MAPK8IP3: variants seen among roughly 807,000 people sequenced by gnomAD.
The protein encoded by MAPK8IP3 is C-Jun-amino-terminal kinase-interacting protein 3.
A neutral mutation model predicts 157.8 loss-of-function variants in MAPK8IP3; 49 were observed. The observed-to-expected ratio is 0.31, with a 90% confidence interval of 0.25 to 0.39. MAPK8IP3 has a LOEUF of 0.39. Among genes scored for constraint, MAPK8IP3 ranks in the 10% least tolerant of loss-of-function variants. MAPK8IP3 has a pLI of 1.00. For missense variants in MAPK8IP3, 1,478 were observed against 1,889.4 expected (o/e 0.78, Z 4.04); for synonymous variants, 897 against 777.7 (o/e 1.15, Z -2.55).
At chr16:1,737,047 A>T (rs2039980246) in intron 4 of MAPK8IP3, among the ~76,000 whole-genome samples, 1 of 62,470 alleles carries the variant, frequency 1.6e-5, no homozygotes, top group African/African-American at 6.4e-5. Context: ...CATCCGTGTG[A>T]CCGTCCGTGT....
intron 10 of MAPK8IP3, among the ~76,000 whole-genome samples, chr16:1,759,709 G>A (rs1033365912): frequency 1.3e-5 from 2 of 152,242 alleles, no homozygotes; most frequent in African/African-American, 4.8e-5. Context: ...TCAGGGGCCT[G>A]CGTCCGGCCA....
chr16:1,716,638 G>A (rs992597311), intron 1 of MAPK8IP3, among the ~76,000 whole-genome samples: 10 of 152,052 alleles, frequency 6.6e-5, no homozygotes, highest in African/African-American at 2.4e-4. Flanking sequence ...AAAATGCTGG[G>A]CATGGTGGCT....
rs1198366203 is a variant in MAPK8IP3, at chr16:1,724,812, C to T, written c.439+135C>T. 2 of 1,199,192 alleles carry T rather than the reference C, an allele frequency of 1.7e-6. No homozygotes were observed. Among genetic ancestry groups the T allele is most frequent in the Non-Finnish European group, 2.3e-6 (2 of 873,274 alleles). 74.3% of individuals were successfully genotyped at this position (1,199,192 alleles called of 1,614,324 possible). On this transcript the variant is annotated intron_variant, in intron 2 of 31. Transcript: ENST00000610761. The surrounding 1 kb of genome is among the most constrained non-coding windows in gnomAD (Gnocchi z 4.1). ...CAGTGGGAGCCTCAGCCATGTATTC[C>T]AGCTCTTTGTACTGCTGCCTGTTTC...
rs573905400 is a variant in MAPK8IP3, at chr16:1,760,311, C to T, written c.1305-69C>T. ...TCTCCAGGGCGGAAGTGCAGGCGCC[C>T]CTGGCAAGGCCCCTTCACGTACCTG... On this transcript the variant is annotated intron_variant, in intron 11 of 31. Coordinates refer to ENST00000610761, the MANE Select transcript of MAPK8IP3 (RefSeq NM_001318852.2). 18 of 1,541,826 alleles carry T rather than the reference C, an allele frequency of 1.2e-5. No homozygotes were observed. In the African/African-American group the frequency reaches 1.9e-4, roughly 16 times the overall value.
chr16:1,725,595 C>G (rs1031411597), intron 2 of MAPK8IP3, among the ~76,000 whole-genome samples: 2 of 151,298 alleles, frequency 1.3e-5, no homozygotes, highest in Non-Finnish European at 2.9e-5. Flanking sequence ...CCACTGCACT[C>G]TAGCCTGGGC....
chr16:1,738,590 ATG>A (rs1374647093), intron 4 of MAPK8IP3, among the ~76,000 whole-genome samples: 1 of 122,948 alleles, frequency 8.1e-6, no homozygotes, highest in African/African-American at 3.2e-5. Flanking sequence ...GTGACCATCC[ATG>A]TGAGCATCTG....
intron 8 of MAPK8IP3, among the ~76,000 whole-genome samples, chr16:1,750,769 G>A (rs1454176749): frequency 2.0e-5 from 3 of 151,640 alleles, no homozygotes; most frequent in Admixed American, 6.6e-5. Flanking sequence ...CCTCAGCCTC[G>A]TGAGTAGCTG....
chr16:1,727,582 A>G (rs2038973193), intron 2 of MAPK8IP3, among the ~76,000 whole-genome samples: 1 of 150,950 alleles, frequency 6.6e-6, no homozygotes, highest in Non-Finnish European at 1.5e-5. Flanking sequence ...TGCTGTGTCT[A>G]AGTCGTGCGT....
rs1413035968 is a variant in MAPK8IP3 at position 1,762,395 on chromosome 16, G to A, written c.1584G>A (p.Glu528=). The A allele has an allele frequency of 6.3e-7, 1 of 1,596,828 alleles. No homozygotes were observed. Among genetic ancestry groups the A allele is most frequent in the Non-Finnish European group, 8.5e-7 (1 of 1,171,866 alleles). ...MAQRRRFTRV[E]MARVLMERNQ... ...AGCGCCGCCGCTTCACGCGGGTGGA[G>A]ATGGCCCGTGTGCTCATGGAGCGGA... The change falls in exon 14 of 32, where the codon GAG becomes GAA. Residue 528 remains glutamate, a synonymous_variant. Transcript: ENST00000610761.
intron 5 of MAPK8IP3, chr16:1,745,027 G>A: frequency 2.0e-6 from 2 of 985,402 alleles, no homozygotes; most frequent in Non-Finnish European, 2.4e-6. Context: ...TGACCGCTAA[G>A]AGTTTGGGTT....
At chr16:1,723,773 A>G (rs1378631720) in intron 1 of MAPK8IP3, among the ~76,000 whole-genome samples, 2 of 152,190 alleles carry the variant, frequency 1.3e-5, no homozygotes, top group Non-Finnish European at 2.9e-5. Flanking sequence ...CACTTATGGC[A>G]TCGATGCCCG....
In MAPK8IP3 at chr16:1,766,895, C is replaced by T; in HGVS notation, c.3021-9C>T. 1 of 1,605,016 alleles carries T rather than the reference C, an allele frequency of 6.2e-7. No homozygotes were observed. Among genetic ancestry groups the T allele is most frequent in the Admixed American group, 1.7e-5 (1 of 59,588 alleles). On this transcript the variant is annotated splice_polypyrimidine_tract_variant and intron_variant, in intron 24 of 31. Coordinates refer to ENST00000610761, the MANE Select transcript of MAPK8IP3 (RefSeq NM_001318852.2). ...GGCCCAAACCAGGCTCACCGCATTCCTGTTTCAGGCATGTCAAAGGCCGTG... is the reference window on the plus strand; with the variant it reads ...GGCCCAAACCAGGCTCACCGCATTCTTGTTTCAGGCATGTCAAAGGCCGTG...
At chr16:1,711,121 T>C (rs890182427) in intron 1 of MAPK8IP3, among the ~76,000 whole-genome samples, 9 of 152,272 alleles carry the variant, frequency 5.9e-5, no homozygotes, top group African/African-American at 2.2e-4. Flanking sequence ...CTAAATGAAA[T>C]ATCTGTTTCA....
intron 4 of MAPK8IP3, among the ~76,000 whole-genome samples, chr16:1,734,118 C>G (rs2039497531): frequency 6.6e-6 from 1 of 152,250 alleles, no homozygotes; most frequent in African/African-American, 2.4e-5. Context: ...AGGCACCCTG[C>G]AGTGGGGTCT....
At position 1,706,420 on chromosome 16, in the gene MAPK8IP3, G is replaced by A. The variant is rs1446562053; in HGVS notation, c.81G>A (p.Glu27=). The change falls in exon 1 of 32, where the codon GAG becomes GAA. Residue 27 remains glutamate (E), a synonymous_variant. Coordinates refer to ENST00000610761, the MANE Select transcript of MAPK8IP3 (RefSeq NM_001318852.2). The surrounding 1 kb of genome is among the most constrained non-coding windows in gnomAD (Gnocchi z 5.1). ...ACTGCTCCGGCTCGGTGATGTCGGA[G>A]CGGGTGTCGGGCCTGGCGGGCTCCA... The part of the protein sequence containing the change: ...DDYCSGSVMS[E]RVSGLAGSIY... The A allele has an allele frequency of 2.5e-6, 4 of 1,613,720 alleles. No individual in the cohort carries two copies. The highest frequency in any genetic ancestry group is 3.4e-6 in the Non-Finnish European group (4 of 1,179,920).
At chr16:1,729,369 C>T (rs2039131855) in intron 3 of MAPK8IP3, 118 bp from the exon 4 acceptor site, 2 of 1,263,528 alleles carry the variant, frequency 1.6e-6, no homozygotes, top group Middle Eastern at 3.7e-4. Context: ...TTAGATTCCC[C>T]TCCAGGACGC....
At chr16:1,749,988 T>C (rs1291612193) in intron 8 of MAPK8IP3, among the ~76,000 whole-genome samples, 1 of 152,194 alleles carries the variant, frequency 6.6e-6, no homozygotes, top group Non-Finnish European at 1.5e-5. Flanking sequence ...TTGGACACAC[T>C]GTACTTGGTG....
chr16:1,747,052 G>A lies in MAPK8IP3; in HGVS notation c.771G>A (p.Glu257=), dbSNP rs746423175. ...AGTGTCCACAGGATGAAATGTCCGA[G>A]TCAGGCCAGTCCTCGGCGGCCGCCA... The part of the protein sequence containing the change: ...SYQCPQDEMS[E]SGQSSAAATP... Residue 257 remains glutamate, a synonymous_variant, in exon 6 of 32, where the codon GAG becomes GAA. Coordinates refer to ENST00000610761, the MANE Select transcript of MAPK8IP3 (RefSeq NM_001318852.2). 109 of 1,613,512 alleles carry A rather than the reference G, an allele frequency of 6.8e-5. No individual in the cohort carries two copies. Among genetic ancestry groups the A allele is most frequent in the Non-Finnish European group, 8.6e-5 (101 of 1,179,826 alleles).
intron 8 of MAPK8IP3, among the ~76,000 whole-genome samples, chr16:1,756,797 G>A (rs542963402): frequency 3.3e-5 from 5 of 152,094 alleles, no homozygotes; most frequent in African/African-American, 9.7e-5. Flanking sequence ...ACTCCAGCCT[G>A]AGCAACAGAG....
Sources: gnomAD v4.1 joint callset for allele counts (sites outside exome capture counted in the v4.1 genomes callset) on GRCh38, gnomAD v4.1.1 for gene constraint, Gnocchi (gnomAD v3.1) non-coding constraint, MANE v1.5 for transcripts, NCBI Gene and HGNC (gene_info 2026-07-23, HGNC 2026-07-21) for gene names.